Variants in TMEM178B observed in about 807,000 individuals in gnomAD.
The protein encoded by TMEM178B is transmembrane protein 178B.
In TMEM178B, 5 loss-of-function variants were observed where a neutral mutation model predicts 31.0. The ratio of observed to expected loss-of-function variants is 0.16; its 90% confidence interval spans 0.08 to 0.34. TMEM178B has a LOEUF of 0.34. TMEM178B is among the 10% of genes least tolerant of loss of function. TMEM178B has a pLI of 1.00. For missense variants in TMEM178B, 275 were observed against 400.3 expected, an observed-to-expected ratio of 0.69 and a Z score of 2.67; for synonymous variants, 164 against 164.0, an observed-to-expected ratio of 1.00 and a Z score of 0.00.
At position 141,189,347 on chromosome 7, in the gene TMEM178B, G is replaced by T. The variant is rs147347576; in HGVS notation, c.383-23244G>T. Among the ~76,000 whole-genome samples, 898 of 152,354 alleles carry T rather than the reference G, an allele frequency of 5.9e-3. 13 individuals are homozygous for T. Among genetic ancestry groups the T allele is most frequent in the African/African-American group, 0.021 (865 of 41,584 alleles). ...GAGGAAACCCTTCCAGGGCACTCTG[G>T]TGTCAGGAATGAATAGCTGAGCCTG... On this transcript the variant is annotated intron_variant, in intron 1 of 3. Transcript: ENST00000565468.
intron 2 of TMEM178B, among the ~76,000 whole-genome samples, chr7:141,313,865 T>A (rs1798955608): frequency 6.6e-6 from 1 of 152,040 alleles, no homozygotes; most frequent in Non-Finnish European, 1.5e-5. Context: ...AGAGGCACAC[T>A]TTTGTTAGGA....
chr7:141,382,002 T>C (rs17162181), intron 2 of TMEM178B, among the ~76,000 whole-genome samples: 11,065 of 152,214 alleles, frequency 0.073, 468 homozygotes, highest in South Asian at 0.12. Context: ...ATGTCTAATA[T>C]TTATCTCAAA....
At chr7:141,349,381 G>T (rs1461506330) in intron 2 of TMEM178B, among the ~76,000 whole-genome samples, 1 of 152,150 alleles carries the variant, frequency 6.6e-6, no homozygotes, top group African/African-American at 2.4e-5. Context: ...CAGACGTATT[G>T]CAGGAGAAGA....
chr7:141,208,184 C>T lies in TMEM178B; in HGVS notation c.383-4407C>T, dbSNP rs567706904. 2.8e-5 allele frequency among the ~76,000 whole-genome samples: 4 copies of T among 143,120 alleles called. No homozygotes were observed. The East Asian group carries it at 6.1e-4, about 22-fold the overall frequency. 93.9% of individuals were successfully genotyped at this position (143,120 alleles called of 152,430 possible). ...TGCCAGCCTGGGTGACATAGTGAGA[C>T]CCAGTCTCTTTTAAATAAATAAATA... On this transcript the variant is annotated intron_variant, in intron 1 of 3. Transcript: ENST00000565468.
intron 1 of TMEM178B, among the ~76,000 whole-genome samples, chr7:141,186,816 C>G (rs1044316202): frequency 6.6e-6 from 1 of 152,212 alleles, no homozygotes; most frequent in Non-Finnish European, 1.5e-5. Flanking sequence ...TTCACCAGGG[C>G]TGTTGGCCCT....
intron 2 of TMEM178B, among the ~76,000 whole-genome samples, chr7:141,420,306 C>G (rs1801180808): frequency 6.6e-6 from 1 of 152,154 alleles, no homozygotes; most frequent in South Asian, 2.1e-4. Flanking sequence ...TCACCTCTTG[C>G]ACACAGCAGC....
At chr7:141,467,838 T>G (rs1393427303) in intron 3 of TMEM178B, among the ~76,000 whole-genome samples, 1 of 152,122 alleles carries the variant, frequency 6.6e-6, no homozygotes, top group Admixed American at 6.5e-5. Context: ...TTTCTTAAAG[T>G]GAAATTACTA....
In TMEM178B at chr7:141,099,679, C is replaced by T. The variant is rs557323412; in HGVS notation, c.382+24987C>T. Among the ~76,000 whole-genome samples, 28 of 152,246 alleles carry T rather than the reference C, an allele frequency of 1.8e-4. No homozygotes were observed. The South Asian group carries it at 3.1e-3, about 17-fold the overall frequency. On this transcript the variant is annotated intron_variant, in intron 1 of 3. Transcript: ENST00000565468. ...TTCTTATGTATCAACTGCATTCATGCGTTATGGTCCTTAATCACAGCTTAG... is the reference window on the plus strand; with the variant it reads ...TTCTTATGTATCAACTGCATTCATGTGTTATGGTCCTTAATCACAGCTTAG...
intron 2 of TMEM178B, among the ~76,000 whole-genome samples, chr7:141,417,040 C>A (rs1164575348): frequency 1.3e-5 from 2 of 152,166 alleles, no homozygotes; most frequent in Non-Finnish European, 2.9e-5. Flanking sequence ...AATAGAAAAG[C>A]CTTTCTCATC....
chr7:141,128,177 A>G (rs557438061), intron 1 of TMEM178B, among the ~76,000 whole-genome samples: 1 of 152,342 alleles, frequency 6.6e-6, no homozygotes, highest in East Asian at 1.9e-4. Context: ...GTAAACTGGG[A>G]CTATCCCAGG....
chr7:141,382,095 G>A (rs1023157050), intron 2 of TMEM178B, among the ~76,000 whole-genome samples: 1 of 152,180 alleles, frequency 6.6e-6, no homozygotes, highest in Non-Finnish European at 1.5e-5. Flanking sequence ...TCTCCATAGG[G>A]AGAACTGTTC....
intron 2 of TMEM178B, among the ~76,000 whole-genome samples, chr7:141,381,065 C>A (rs1487811310): frequency 6.6e-6 from 1 of 152,206 alleles, no homozygotes; most frequent in East Asian, 1.9e-4. Context: ...TGTATGCACA[C>A]TTCACTGTCT....
chr7:141,222,084 G>A (rs1488117085), intron 2 of TMEM178B, among the ~76,000 whole-genome samples: 1 of 152,156 alleles, frequency 6.6e-6, no homozygotes, highest in Non-Finnish European at 1.5e-5. Context: ...GCTTGGGATG[G>A]GAGATGGAAT....
In TMEM178B at chr7:141,107,444, G is replaced by C. The variant is rs563538469; in HGVS notation, c.382+32752G>C. On this transcript the variant is annotated intron_variant, in intron 1 of 3. Coordinates refer to ENST00000565468, the MANE Select transcript of TMEM178B (RefSeq NM_001195278.2). ...ATGTAGGCATGGTGATGGTAGCATGGGTCACAGTGTTGGCAGTGGAGCGGG... is the reference window on the plus strand; with the variant it reads ...ATGTAGGCATGGTGATGGTAGCATGCGTCACAGTGTTGGCAGTGGAGCGGG... Among the ~76,000 whole-genome samples the C allele has an allele frequency of 9.2e-5, 14 of 152,306 alleles. No individual in the cohort carries two copies. In the South Asian group the frequency reaches 2.9e-3, roughly 32 times the overall value.
the TMEM178B span, among the ~76,000 whole-genome samples, chr7:141,497,124 G>C: frequency 1.3e-5 from 2 of 152,128 alleles, no homozygotes; most frequent in South Asian, 2.1e-4. Context: ...TAGACAGTAA[G>C]AGCCCTGCAC....
intron 3 of TMEM178B, among the ~76,000 whole-genome samples, chr7:141,460,527 G>A (rs560488314): frequency 6.5e-4 from 99 of 152,214 alleles, no homozygotes; most frequent in Non-Finnish European, 1.2e-3. Context: ...ATGGCCATCC[G>A]TAGATGTGTA....
chr7:141,313,968 TC>T lies in TMEM178B; in HGVS notation c.496+101266del, dbSNP rs374775078. Among the ~76,000 whole-genome samples, 69 of 152,210 alleles carry T rather than the reference TC, an allele frequency of 4.5e-4. 1 individual carries two copies. The highest frequency in any genetic ancestry group is 1.6e-3 in the African/African-American group (68 of 41,544). On this transcript the variant is annotated intron_variant, in intron 2 of 3. Transcript: ENST00000565468. The stretch of plus-strand genomic sequence containing the variant: ...GAGCAGACAAGAATGAGAGAGAGCT[TC>T]CACTAAACGATTCCAGTGAGATCTG...
At chr7:141,441,714 C>T (rs1412794519) in intron 3 of TMEM178B, among the ~76,000 whole-genome samples, 1 of 152,122 alleles carries the variant, frequency 6.6e-6, no homozygotes, top group Non-Finnish European at 1.5e-5. Flanking sequence ...AGGAAACTGC[C>T]AAGGCCAACA....
intron 1 of TMEM178B, among the ~76,000 whole-genome samples, chr7:141,152,461 T>C (rs1408629468): frequency 6.6e-6 from 1 of 152,172 alleles, no homozygotes; most frequent in Non-Finnish European, 1.5e-5. Flanking sequence ...TTCCTGATGC[T>C]CATTTATAGA....
Sources: gnomAD v4.1 joint callset for allele counts (sites outside exome capture counted in the v4.1 genomes callset) on GRCh38, gnomAD v4.1.1 for gene constraint, MANE v1.5 for transcripts, NCBI Gene and HGNC (gene_info 2026-07-23, HGNC 2026-07-21) for gene names.